Variants in CENPK observed in about 807,000 individuals in gnomAD.
CENPK encodes the protein SoxLZ/Sox6-binding protein Solt.
In CENPK, 46 loss-of-function variants were observed where a neutral mutation model predicts 40.9. That is an observed-to-expected ratio of 1.13 (90% CI 0.89 to 1.44). The LOEUF is 1.44. CENPK is among the 40% of genes most tolerant of loss of function. The pLI is 0.00. For synonymous variants in CENPK, 107 were observed against 104.4 expected (o/e 1.02, Z -0.15); for missense variants, 288 against 303.5 (o/e 0.95, Z 0.38).
intron 6 of CENPK, among the ~76,000 whole-genome samples, chr5:65,536,898 G>A (rs1747013074): frequency 6.6e-6 from 1 of 152,142 alleles, no homozygotes; most frequent in Non-Finnish European, 1.5e-5. Flanking sequence ...GGGTCTTTGG[G>A]AAGCAATTGG....
intron 5 of CENPK, among the ~76,000 whole-genome samples, chr5:65,543,827 G>A (rs1748414301): frequency 6.6e-6 from 1 of 152,152 alleles, no homozygotes; most frequent in East Asian, 1.9e-4. Context: ...CTTTGAATCT[G>A]AATAGAGAAT....
chr5:65,528,280 C>T (rs897218180), intron 9 of CENPK, among the ~76,000 whole-genome samples, 172 bp downstream of exon 9: 2 of 150,654 alleles, frequency 1.3e-5, no homozygotes, highest in Non-Finnish European at 3.0e-5. Flanking sequence ...ATACTTAATC[C>T]CATTTTATTG....
At chr5:65,535,696 C>A (rs1358145353) in intron 6 of CENPK, among the ~76,000 whole-genome samples, 1 of 152,166 alleles carries the variant, frequency 6.6e-6, no homozygotes, top group Non-Finnish European at 1.5e-5. Context: ...GTGCCTTTTC[C>A]TTTGTTCATT....
intron 3 of CENPK, among the ~76,000 whole-genome samples, chr5:65,554,392 C>G (rs195094): frequency 0.59 from 90,112 of 151,942 alleles, 27,084 homozygotes; most frequent in Non-Finnish European, 0.63. Flanking sequence ...CCTCATGATC[C>G]CCCAGCCTCG....
intron 9 of CENPK, among the ~76,000 whole-genome samples, chr5:65,527,992 C>T (rs1209708529): frequency 6.6e-6 from 1 of 152,132 alleles, no homozygotes; most frequent in Non-Finnish European, 1.5e-5. Context: ...TCTAATCGTC[C>T]CACTTGGGAG....
intron 6 of CENPK, among the ~76,000 whole-genome samples, chr5:65,538,164 T>G (rs1747302807): frequency 6.6e-6 from 1 of 152,178 alleles, no homozygotes; most frequent in African/African-American, 2.4e-5. Flanking sequence ...GGGATCAAAA[T>G]TTTTTCTTAT....
In CENPK at chr5:65,554,689, C is replaced by A. The variant is rs113319048; in HGVS notation, c.111+108G>T. On this transcript the variant is annotated intron_variant, in intron 3 of 10. Transcript: ENST00000396679. ...AAAAGCTATATAAATATTTATCATA[C>A]ATAATGGCTTTTGGAAACTAGCACA... 162 of 689,792 alleles carry A rather than the reference C, an allele frequency of 2.3e-4. 1 individual carries two copies. The African/African-American group carries it at 2.5e-3, about 11-fold the overall frequency. The allele number at this position is 689,792 out of a possible 1,614,324, so 42.7% of individuals were successfully genotyped here.
chr5:65,497,496 G>A, the CENPK span, among the ~76,000 whole-genome samples: 1 of 152,176 alleles, frequency 6.6e-6, no homozygotes, highest in Admixed American at 6.5e-5. Context: ...AGGAGAAAGA[G>A]CAACAGAATG....
chr5:65,561,597 AACACACACAC>A (rs10560318), intron 1 of CENPK, 33 bp from the exon 2 acceptor site: 1 of 382,010 alleles, frequency 2.6e-6, no homozygotes, highest in South Asian at 1.9e-5. Flanking sequence ...GTTTAATTAA[AACACACACAC>A]ACACACACAC....
At chr5:65,542,778 C>G in intron 6 of CENPK, 24 bp downstream of exon 6, 1 of 1,582,676 alleles carries the variant, frequency 6.3e-7, no homozygotes, top group East Asian at 2.3e-5. Context: ...TTTGGGGTCA[C>G]TACAAATTCA....
chr5:65,555,002 C>T (rs1417142335), intron 2 of CENPK, 56 bp from the exon 3 acceptor site: 1 of 766,744 alleles, frequency 1.3e-6, no homozygotes, highest in Non-Finnish European at 2.3e-6. Flanking sequence ...TTATTACCTG[C>T]CAGATACTCA....
At chr5:65,522,490 G>T (rs2121167) in intron 9 of CENPK, among the ~76,000 whole-genome samples, 11,276 of 152,088 alleles carry the variant, frequency 0.074, 426 homozygotes, top group East Asian at 0.096. Context: ...GTGCAGTGGT[G>T]CCATCATAGC....
downstream of CENPK, among the ~76,000 whole-genome samples, chr5:65,516,264 G>C (rs916705102): frequency 6.6e-6 from 1 of 152,172 alleles, no homozygotes; most frequent in Non-Finnish European, 1.5e-5. Flanking sequence ...CAGTATCTGT[G>C]TATTTAGACA....
At chr5:65,551,275 A>G in intron 5 of CENPK, 1 of 311,330 alleles carries the variant, frequency 3.2e-6, no homozygotes, top group Non-Finnish European at 5.9e-6. Flanking sequence ...AAAAAAAAGG[A>G]ACAATTTACC....
chr5:65,527,056 C>T (rs1314272735), intron 9 of CENPK, among the ~76,000 whole-genome samples: 1 of 151,942 alleles, frequency 6.6e-6, no homozygotes, highest in Non-Finnish European at 1.5e-5. Flanking sequence ...GAGATCATGC[C>T]ATTGCACTCC....
the CENPK span, among the ~76,000 whole-genome samples, chr5:65,499,669 T>TAA: frequency 0.051 from 1,752 of 34,078 alleles, 9 homozygotes; most frequent in African/African-American, 0.14. Context: ...TTTTTTTAAT[T>TAA]TTTTTTTTTT....
chr5:65,526,088 G>A (rs1369755348), intron 9 of CENPK, among the ~76,000 whole-genome samples: 2 of 152,156 alleles, frequency 1.3e-5, no homozygotes. Flanking sequence ...CATAAAAAAA[G>A]AAGTGAGGTT....
chr5:65,553,558 T>C (rs112499392), intron 3 of CENPK, among the ~76,000 whole-genome samples: 125 of 152,342 alleles, frequency 8.2e-4, no homozygotes, highest in African/African-American at 2.6e-3. Flanking sequence ...TTTTCTAAAT[T>C]AATTAATGTT....
At chr5:65,545,324 G>GCACACACACA (rs869192025) in intron 5 of CENPK, among the ~76,000 whole-genome samples, 1 of 64,322 alleles carries the variant, frequency 1.6e-5, no homozygotes, top group East Asian at 1.3e-3. Context: ...CTCAAAGCGC[G>GCACACACACA]CACACACACA....
Sources: gnomAD v4.1 joint callset for allele counts (sites outside exome capture counted in the v4.1 genomes callset) on GRCh38, gnomAD v4.1.1 for gene constraint, MANE v1.5 for transcripts, NCBI Gene and HGNC (gene_info 2026-07-23, HGNC 2026-07-21) for gene names.